Variants in DPP6 observed in about 807,000 individuals in gnomAD.
DPP6 encodes A-type potassium channel modulatory protein DPP6.
DPP6 carries 69 observed loss-of-function variants against 122.6 expected under a neutral mutation model. The observed-to-expected ratio is 0.56, with a 90% CI of 0.46 to 0.69. The LOEUF (loss-of-function observed/expected upper bound fraction) is 0.69. Among genes scored for constraint, DPP6 ranks in the 30% least tolerant of loss-of-function variants. The pLI, the probability that DPP6 is intolerant of heterozygous loss-of-function variation, is 0.00. For missense variants in DPP6, 928 were observed against 1,116.9 expected, an observed-to-expected ratio of 0.83 and a Z score of 2.41; for synonymous variants, 418 against 433.1, an observed-to-expected ratio of 0.97 and a Z score of 0.43.
intron 1 of DPP6, among the ~76,000 whole-genome samples, chr7:153,978,826 TTTGTTAGGTTTGTCAAAGATCAGATGG>T (rs751910151): frequency 2.1e-4 from 32 of 152,228 alleles, no homozygotes; most frequent in Non-Finnish European, 1.0e-4. Context: ...ATTGCTTGTT[TTTGTTAGGTTTGTCAAAGATCAGATGG>T]TTGTAGTTGT....
At chr7:153,828,161 C>T in the DPP6 span, among the ~76,000 whole-genome samples, 1 of 152,156 alleles carries the variant, frequency 6.6e-6, no homozygotes, top group Non-Finnish European at 1.5e-5. Context: ...CTGGCAGTGT[C>T]ATGAGAGGCC....
the DPP6 span, among the ~76,000 whole-genome samples, chr7:153,843,789 G>A: frequency 1.3e-5 from 2 of 152,144 alleles, no homozygotes; most frequent in African/African-American, 4.8e-5. Context: ...CCTATGATTA[G>A]CAAGACATTA....
the DPP6 span, among the ~76,000 whole-genome samples, chr7:153,861,697 C>A: frequency 6.6e-6 from 1 of 152,174 alleles, no homozygotes; most frequent in Admixed American, 6.5e-5. Context: ...ACCACCTAGT[C>A]AGGTAATGCA....
Position 154,876,008 on chromosome 7 carries a change from C to T in DPP6, c.1986C>T (p.Gly662=), listed in dbSNP as rs1245410137. ...SHGAVVVKCD[G]RGSGFQGTKL... ...GCGCGGTGGTGGTAAAGTGTGACGG[C>T]CGTGGCAGCGGCTTCCAAGGGACCA... Residue 662 remains glycine, a synonymous_variant, in exon 20 of 26, where the codon GGC becomes GGT. Coordinates refer to ENST00000377770, the MANE Select transcript of DPP6 (RefSeq NM_130797.4). 6.2e-7 allele frequency: 1 copy of T among 1,613,224 alleles called. No homozygotes were observed. The highest frequency in any genetic ancestry group is 8.5e-7 in the Non-Finnish European group (1 of 1,179,672).
rs145638742 is a variant in DPP6 at position 154,880,878 on chromosome 7, G to A, written c.2079-10G>A. ...GCACTGAACCCTCTTTCCCCTCCTC[G>A]ACCTCACAGGACGATGCTGAAGGAG... On this transcript the variant is annotated splice_polypyrimidine_tract_variant and intron_variant, in intron 20 of 25. Coordinates refer to ENST00000377770, the MANE Select transcript of DPP6 (RefSeq NM_130797.4). 39 of 1,613,942 alleles carry A rather than the reference G, an allele frequency of 2.4e-5. No homozygotes were observed. The East Asian group carries it at 2.7e-4, about 11-fold the overall frequency.
Position 154,880,610 on chromosome 7 carries a change from T to C in DPP6, c.2079-278T>C, listed in dbSNP as rs956553167. On this transcript the variant is annotated intron_variant, in intron 20 of 25. Coordinates refer to ENST00000377770, the MANE Select transcript of DPP6 (RefSeq NM_130797.4). Reference sequence around the variant, plus strand: ...GGGCTGCGTCTCCCAGAAGGGGCTCTGCGGCTGTGGATTAATGGCTCGCAG... The same window carrying C: ...GGGCTGCGTCTCCCAGAAGGGGCTCCGCGGCTGTGGATTAATGGCTCGCAG... Among the ~76,000 whole-genome samples the C allele has an allele frequency of 4.6e-5, 7 of 152,336 alleles. 1 individual carries two copies. Among genetic ancestry groups the C allele is most frequent in the Admixed American group, 3.9e-4 (6 of 15,302 alleles).
chr7:154,352,161 C>T (rs1810914383), intron 1 of DPP6, among the ~76,000 whole-genome samples: 2 of 152,084 alleles, frequency 1.3e-5, no homozygotes, highest in Admixed American at 6.5e-5. Context: ...CTTGGGTTAC[C>T]TCCTTAAACA....
At chr7:154,384,024 C>T (rs1438266203) in intron 1 of DPP6, among the ~76,000 whole-genome samples, 4 of 152,176 alleles carry the variant, frequency 2.6e-5, no homozygotes, top group Admixed American at 2.6e-4. Flanking sequence ...TCCATGGTCC[C>T]TCTTGCTCAG....
At chr7:154,795,738 G>A (rs1798004613) in intron 11 of DPP6, 107 bp from the exon 12 acceptor site, 1 of 1,494,082 alleles carries the variant, frequency 6.7e-7, no homozygotes, top group African/African-American at 1.4e-5. Context: ...CCATGTAGGT[G>A]AAGCCAAATT....
intron 1 of DPP6, among the ~76,000 whole-genome samples, chr7:153,997,616 C>CACACACACACACAT (rs1563086677): frequency 6.7e-6 from 1 of 149,354 alleles, no homozygotes; most frequent in African/African-American, 2.5e-5. Flanking sequence ...CACACACACA[C>CACACACACACACAT]CTGTTTTGTA....
intron 1 of DPP6, chr7:153,968,795 G>C (rs949521998): frequency 1.3e-5 from 2 of 151,104 alleles, no homozygotes; most frequent in African/African-American, 5.0e-5. Context: ...CATCGCTGTA[G>C]TATAACCAAA....
chr7:154,806,870 C>T (rs561769687), intron 15 of DPP6, 124 bp from the exon 16 acceptor site: 257 of 1,311,546 alleles, frequency 2.0e-4, no homozygotes, highest in South Asian at 7.2e-4. Context: ...GGGAGAGGCC[C>T]GGGGGGTCTG....
intron 8 of DPP6, among the ~76,000 whole-genome samples, chr7:154,744,884 G>A (rs142600819): frequency 5.9e-5 from 9 of 152,274 alleles, no homozygotes; most frequent in Non-Finnish European, 1.0e-4. Flanking sequence ...GCACAGCCAG[G>A]CACTCACTCA....
At chr7:154,710,904 A>G (rs1160219362) in intron 7 of DPP6, among the ~76,000 whole-genome samples, 2 of 152,244 alleles carry the variant, frequency 1.3e-5, no homozygotes, top group Non-Finnish European at 2.9e-5. Flanking sequence ...ATGGCCAGCC[A>G]ACCTGTTCTG....
rs148672393 is a variant in DPP6, at chr7:154,233,776, T to C, written c.243+180713T>C. ...TCCAGAACCATGAGATGATAACTTTTCTGTTGTTTAAGCCACCTGATCTGT... is the reference window on the plus strand; with the variant it reads ...TCCAGAACCATGAGATGATAACTTTCCTGTTGTTTAAGCCACCTGATCTGT... On this transcript the variant is annotated intron_variant, in intron 1 of 25. Transcript: ENST00000377770. Among the ~76,000 whole-genome samples the C allele has an allele frequency of 7.6e-3, 1,158 of 152,308 alleles. 16 individuals are homozygous for C. The highest frequency in any genetic ancestry group is 0.026 in the African/African-American group (1,079 of 41,562).
chr7:154,341,507 G>A (rs529476211), intron 1 of DPP6, among the ~76,000 whole-genome samples: 48 of 152,034 alleles, frequency 3.2e-4, no homozygotes, highest in South Asian at 2.5e-3. Context: ...TCACTCCTGG[G>A]TCGGGCTTTA....
intron 4 of DPP6, among the ~76,000 whole-genome samples, chr7:154,542,541 T>G (rs889682683): frequency 1.3e-5 from 2 of 152,208 alleles, no homozygotes; most frequent in Admixed American, 1.3e-4. Flanking sequence ...GATCATATAT[T>G]TTAACTGAAG....
chr7:153,933,299 C>T (rs1392625616), intron 1 of DPP6, among the ~76,000 whole-genome samples: 1 of 151,972 alleles, frequency 6.6e-6, no homozygotes, highest in African/African-American at 2.4e-5. Context: ...TTAAATTTGC[C>T]TTATGTTCCA....
chr7:154,668,014 G>A (rs369639949), intron 6 of DPP6, among the ~76,000 whole-genome samples: 1 of 150,320 alleles, frequency 6.7e-6, no homozygotes, highest in South Asian at 2.1e-4. Flanking sequence ...TTATTCAGCC[G>A]TTGCTTTTGT....
Sources: allele counts gnomAD v4.1 joint callset (sites outside exome capture counted in the v4.1 genomes callset), GRCh38; gene constraint gnomAD v4.1.1; transcripts MANE v1.5; gene names NCBI Gene and HGNC (gene_info 2026-07-23, HGNC 2026-07-21).